Variants in TMEM9B observed in about 807,000 individuals in gnomAD.
TMEM9B encodes the protein transmembrane protein 9B.
Under a neutral mutation model 23.5 loss-of-function variants are expected in TMEM9B, and 8 were observed. The observed-to-expected ratio is 0.34, with a 90% CI of 0.20 to 0.61. TMEM9B has a LOEUF of 0.61. Ranked by LOEUF, TMEM9B falls within the 20% of genes least tolerant of loss-of-function variation. The pLI is 0.78. For synonymous variants in TMEM9B, 106 were observed against 96.3 expected, an observed-to-expected ratio of 1.10 and a Z score of -0.59; for missense variants, 197 against 252.3, an observed-to-expected ratio of 0.78 and a Z score of 1.49.
intron 4 of TMEM9B, among the ~76,000 whole-genome samples, chr11:8,949,165 A>G (rs1399394894): frequency 6.6e-5 from 10 of 152,246 alleles, no homozygotes; most frequent in Admixed American, 6.5e-4. Flanking sequence ...CAAAGATTGA[A>G]TCTTCCATTG....
chr11:8,948,887 G>A (rs757649505), intron 4 of TMEM9B, among the ~76,000 whole-genome samples: 1 of 152,068 alleles, frequency 6.6e-6, no homozygotes. Context: ...TGCTTTATTC[G>A]ATACTATAAA....
chr11:8,953,094 G>A, intron 4 of TMEM9B, 109 bp downstream of exon 4: 1 of 1,358,478 alleles, frequency 7.4e-7, no homozygotes, highest in South Asian at 1.2e-5. Flanking sequence ...TCTAGTTGAG[G>A]ATCTGCTTCA....
chr11:8,962,750 G>A (rs1854103535), intron 1 of TMEM9B: 1 of 152,328 alleles, frequency 6.6e-6, no homozygotes, highest in African/African-American at 2.4e-5. Flanking sequence ...GATCAGTTTA[G>A]TATACTCTTC....
chr11:8,964,498 G>A, upstream of TMEM9B: 1 of 1,414,252 alleles, frequency 7.1e-7, no homozygotes, highest in Non-Finnish European at 9.2e-7. Flanking sequence ...ATCCGCCCCG[G>A]AACCGGTTAC....
chr11:8,948,603 G>T, intron 4 of TMEM9B, 128 bp from the exon 5 acceptor site: 1 of 1,094,312 alleles, frequency 9.1e-7, no homozygotes, highest in Non-Finnish European at 1.3e-6. Flanking sequence ...CATCTATTTA[G>T]CTAAGCACTC....
At chr11:8,958,250 C>G (rs1049347239) in intron 2 of TMEM9B, among the ~76,000 whole-genome samples, 4 of 148,694 alleles carry the variant, frequency 2.7e-5, no homozygotes, top group Non-Finnish European at 5.9e-5. Context: ...ATCATGAGGT[C>G]AGGAGTTCAA....
Position 8,960,672 on chromosome 11 carries a change from T to TATTTGAAC in TMEM9B, c.197+1412_197+1419dup, listed in dbSNP as rs1396667671. On this transcript the variant is annotated intron_variant, in intron 2 of 4. Coordinates refer to ENST00000534025, the MANE Select transcript of TMEM9B (RefSeq NM_020644.3). ...AATTTATAGAAGTAACATAAAGATT[T>TATTTGAAC]ATTTGAACATTCTTTTTTTTTTTTT... 4.6e-5 allele frequency among the ~76,000 whole-genome samples: 7 copies of TATTTGAAC among 152,162 alleles called. No homozygotes were observed. The East Asian group carries it at 1.2e-3, about 25-fold the overall frequency.
At chr11:8,949,163 G>C (rs553064586) in intron 4 of TMEM9B, among the ~76,000 whole-genome samples, 20 of 152,310 alleles carry the variant, frequency 1.3e-4, no homozygotes, top group Non-Finnish European at 2.5e-4. Context: ...AACAAAGATT[G>C]AATCTTCCAT....
chr11:8,956,761 A>G (rs1853982111), intron 2 of TMEM9B, among the ~76,000 whole-genome samples: 1 of 152,154 alleles, frequency 6.6e-6, no homozygotes, highest in South Asian at 2.1e-4. Flanking sequence ...GCTCTGTCAC[A>G]TGGGCTGTAG....
At chr11:8,956,438 G>A in intron 2 of TMEM9B, 140 bp from the exon 3 acceptor site, 2 of 623,044 alleles carry the variant, frequency 3.2e-6, no homozygotes, top group African/African-American at 1.8e-5. Context: ...ATAAGATAAA[G>A]TAAAATAATT....
At chr11:8,958,467 A>C (rs1443953428) in intron 2 of TMEM9B, among the ~76,000 whole-genome samples, 3 of 152,018 alleles carry the variant, frequency 2.0e-5, no homozygotes, top group African/African-American at 7.2e-5. Flanking sequence ...TCTCAAAAAA[A>C]AAAAAGTTAA....
In TMEM9B at chr11:8,961,852, A is replaced by G. The variant is rs572138499; in HGVS notation, c.197+240T>C. On this transcript the variant is annotated intron_variant, in intron 2 of 4. Transcript: ENST00000534025. ...TAGTTTAGGTGCCACAAACCCAGTC[A>G]TATGCTCCCATGAAACTCTGCCTAC... 1.8e-3 allele frequency among the ~76,000 whole-genome samples: 268 copies of G among 152,290 alleles called. 7 individuals carry two copies. The highest frequency in any genetic ancestry group is 2.2e-4 in the Non-Finnish European group (15 of 68,018).
In TMEM9B at chr11:8,948,730, A is replaced by C. The variant is rs190050622; in HGVS notation, c.442-255T>G. On this transcript the variant is annotated intron_variant, in intron 4 of 4. Coordinates refer to ENST00000534025, the MANE Select transcript of TMEM9B (RefSeq NM_020644.3). ...TTCCCATGGATTGCCATTTCCAAAG[A>C]TATTTCCCTTAAAGAAGTGGAGACC... Among the ~76,000 whole-genome samples the C allele has an allele frequency of 2.6e-3, 402 of 152,298 alleles. 3 individuals carry two copies. Among genetic ancestry groups the C allele is most frequent in the African/African-American group, 9.3e-3 (386 of 41,554 alleles).
chr11:8,953,284 T>C lies in TMEM9B; in HGVS notation c.360A>G (p.Val120=), dbSNP rs1281788325. The C allele has an allele frequency of 1.2e-6, 2 of 1,614,060 alleles. No individual in the cohort carries two copies. The highest frequency in any genetic ancestry group is 1.7e-5 in the Admixed American group (1 of 60,026). ...SILGLLLLYM[V]YLTLVEPILK... is the part of the protein sequence containing the mutation. ...GTATGGGCTCAACCAGAGTAAGATA[T>C]ACCATGTACAGAAGTAGAAGGCCCA... The change falls in exon 4 of 5, where the codon GTA becomes GTG. Residue 120 remains valine (V), a synonymous_variant. Coordinates refer to ENST00000534025, the MANE Select transcript of TMEM9B (RefSeq NM_020644.3).
intron 2 of TMEM9B, among the ~76,000 whole-genome samples, chr11:8,956,586 A>C (rs961904131): frequency 2.0e-5 from 3 of 152,322 alleles, no homozygotes; most frequent in Non-Finnish European, 2.9e-5. Flanking sequence ...AAATGGGATG[A>C]AAAACTACTT....
chr11:8,956,353 C>T, intron 2 of TMEM9B, 55 bp from the exon 3 acceptor site: 1 of 1,476,538 alleles, frequency 6.8e-7, no homozygotes, highest in Non-Finnish European at 9.3e-7. Flanking sequence ...TCTGCTTGCT[C>T]TGACCAAAAG....
intron 1 of TMEM9B, chr11:8,963,976 G>A: frequency 1.8e-6 from 1 of 542,614 alleles, no homozygotes; most frequent in Non-Finnish European, 3.2e-6. Context: ...GGGCACTGTC[G>A]GGGCTGGGGA....
chr11:8,959,776 C>T (rs1023827521), intron 2 of TMEM9B, among the ~76,000 whole-genome samples: 1 of 152,140 alleles, frequency 6.6e-6, no homozygotes, highest in Non-Finnish European at 1.5e-5. Context: ...AAAAGTAACA[C>T]ATCATTAGCT....
chr11:8,951,095 A>C (rs1853866669), intron 4 of TMEM9B, among the ~76,000 whole-genome samples: 1 of 152,234 alleles, frequency 6.6e-6, no homozygotes. Context: ...ACTGGTGGAC[A>C]AAACAATTAC....
Sources: allele counts gnomAD v4.1 joint callset (sites outside exome capture counted in the v4.1 genomes callset), GRCh38; gene constraint gnomAD v4.1.1; transcripts MANE v1.5; gene names NCBI Gene and HGNC (gene_info 2026-07-23, HGNC 2026-07-21).